WDPCP: variants seen among roughly 807,000 people sequenced by gnomAD.
The protein encoded by WDPCP is WD repeat-containing and planar cell polarity effector protein fritz homolog.
WDPCP carries 71 observed loss-of-function variants against 93.1 expected under a neutral mutation model. The ratio of observed to expected loss-of-function variants is 0.76; its 90% CI spans 0.63 to 0.93. The LOEUF is 0.93. Among genes scored for constraint, WDPCP ranks in the 40% least tolerant of loss-of-function variants. The pLI, the probability that WDPCP is intolerant of heterozygous loss-of-function variation, is 0.00. For synonymous variants in WDPCP, 315 were observed against 315.0 expected, an observed-to-expected ratio of 1.00 and a Z score of 0.00; for missense variants, 844 against 887.4, an observed-to-expected ratio of 0.95 and a Z score of 0.62.
In WDPCP at chr2:63,404,091, G is replaced by C; in HGVS notation, c.1392C>G (p.Leu464=). 6.2e-7 allele frequency: 1 copy of C among 1,614,064 alleles called. No homozygotes were observed. Among genetic ancestry groups the C allele is most frequent in the Non-Finnish European group, 8.5e-7 (1 of 1,179,978 alleles). ...CACCCAAAGGTCCTCTTTCAAACCT[G>C]AGGAAGAGGAGATCATAGATATCAC... ...EGSDIYDLLF[L]RFERGPLGVL... The change falls in exon 10 of 18, where the codon CTC becomes CTG. Residue 464 remains leucine, a synonymous_variant. Coordinates refer to ENST00000272321, the MANE Select transcript of WDPCP (RefSeq NM_015910.7).
intron 1 of WDPCP, among the ~76,000 whole-genome samples, chr2:63,587,861 A>C (rs1301039651): frequency 6.6e-6 from 1 of 152,252 alleles, no homozygotes; most frequent in Non-Finnish European, 1.5e-5. Flanking sequence ...GGGAATGGAC[A>C]AAACTCAACA....
At chr2:63,607,157 C>A in intron 3 of WDPCP, 1 of 488,592 alleles carries the variant, frequency 2.0e-6, no homozygotes, top group Non-Finnish European at 3.5e-6. Flanking sequence ...TATCGTCATG[C>A]TGTTAGTGTG....
chr2:63,760,903 C>T (rs932925814), intron 2 of WDPCP, among the ~76,000 whole-genome samples: 1 of 152,190 alleles, frequency 6.6e-6, no homozygotes, highest in African/African-American at 2.4e-5. Context: ...ACCTCATCCA[C>T]AGCCATCACC....
intron 14 of WDPCP, among the ~76,000 whole-genome samples, chr2:63,211,182 G>A (rs565245656): frequency 6.6e-5 from 10 of 152,330 alleles, no homozygotes; most frequent in African/African-American, 2.2e-4. Context: ...TGACCCCCGA[G>A]TAGCCTAACT....
At chr2:63,818,006 T>G (rs1408948076) in intron 1 of WDPCP, among the ~76,000 whole-genome samples, 2 of 152,228 alleles carry the variant, frequency 1.3e-5, no homozygotes, top group Non-Finnish European at 2.9e-5. Context: ...TATTGTACTA[T>G]CAAAAGTCAT....
chr2:63,687,438 A>G (rs955561923), intron 2 of WDPCP, among the ~76,000 whole-genome samples: 1 of 152,366 alleles, frequency 6.6e-6, no homozygotes, highest in East Asian at 1.9e-4. Flanking sequence ...CCCATCTGAC[A>G]AGGGATTAAT....
chr2:63,733,183 ATT>A (rs70965141), intron 2 of WDPCP, among the ~76,000 whole-genome samples: 1,255 of 94,904 alleles, frequency 0.013, 18 homozygotes, highest in Middle Eastern at 0.019. Context: ...CAAATAAATG[ATT>A]TTTTTTTTTT....
chr2:63,266,525 C>T (rs1221393514), intron 13 of WDPCP, among the ~76,000 whole-genome samples: 3 of 152,066 alleles, frequency 2.0e-5, no homozygotes, highest in Admixed American at 2.0e-4. Context: ...GGAAAGATAT[C>T]GGCTGGGCAC....
chr2:63,459,538 G>C (rs1177875335), intron 6 of WDPCP, among the ~76,000 whole-genome samples: 1 of 152,102 alleles, frequency 6.6e-6, no homozygotes, highest in East Asian at 1.9e-4. Context: ...ATGCTGGCAA[G>C]AAAGAAAAGG....
At chr2:63,370,018 A>C (rs1691247273) in intron 12 of WDPCP, among the ~76,000 whole-genome samples, 1 of 152,192 alleles carries the variant, frequency 6.6e-6, no homozygotes, top group South Asian at 2.1e-4. Flanking sequence ...TAGCTATGAA[A>C]GGGGCTTTAA....
intron 2 of WDPCP, among the ~76,000 whole-genome samples, chr2:63,774,234 C>G (rs907148526): frequency 2.0e-5 from 3 of 151,980 alleles, no homozygotes; most frequent in Non-Finnish European, 4.4e-5. Flanking sequence ...AAGTTTATGA[C>G]AGAAAATATT....
chr2:63,692,453 C>G (rs1668902556), intron 2 of WDPCP, among the ~76,000 whole-genome samples: 1 of 152,080 alleles, frequency 6.6e-6, no homozygotes, highest in Admixed American at 6.5e-5. Context: ...CTGTCAACTT[C>G]TACATCAAAA....
intron 2 of WDPCP, among the ~76,000 whole-genome samples, chr2:63,489,909 C>A (rs1575515486): frequency 6.6e-6 from 1 of 151,884 alleles, no homozygotes; most frequent in Non-Finnish European, 1.5e-5. Context: ...AGAAGCCGAG[C>A]AGACACTATC....
rs142680730 is a variant in WDPCP, at chr2:63,820,403, G to C, written n.223-6696C>G. ...CTTGTGGAGCTTCTTTTGGGAAATA[G>C]TGATGCAACCCAGTTTGAGACCTAA... On this transcript the variant is annotated intron_variant and non_coding_transcript_variant, in intron 1 of 4. Coordinates refer to the WDPCP transcript ENST00000467687. 5.8e-3 allele frequency among the ~76,000 whole-genome samples: 884 copies of C among 152,260 alleles called. 13 individuals carry two copies. The highest frequency in any genetic ancestry group is 0.02 in the African/African-American group (828 of 41,554).
At chr2:63,336,778 T>C (rs540245703) in intron 12 of WDPCP, among the ~76,000 whole-genome samples, 2 of 152,064 alleles carry the variant, frequency 1.3e-5, no homozygotes, top group Non-Finnish European at 2.9e-5. Context: ...TATTTTTACG[T>C]GTACAGTTCA....
At chr2:63,731,267 CAAA>C (rs532671655) in intron 2 of WDPCP, among the ~76,000 whole-genome samples, 5 of 59,840 alleles carry the variant, frequency 8.4e-5, no homozygotes. Flanking sequence ...GAATCCGTCT[CAAA>C]AAAAAAAAAA....
chr2:63,378,625 T>G, intron 11 of WDPCP, 116 bp from the exon 12 acceptor site: 2 of 1,419,852 alleles, frequency 1.4e-6, no homozygotes, highest in Non-Finnish European at 2.0e-6. Flanking sequence ...ATGAACTTGT[T>G]GCAGGAAAGA....
chr2:63,501,235 T>TA (rs1276928434), intron 1 of WDPCP, among the ~76,000 whole-genome samples: 1 of 152,156 alleles, frequency 6.6e-6, no homozygotes, highest in African/African-American at 2.4e-5. Context: ...TCCCTATTTT[T>TA]AAAACAAGCT....
Position 63,379,347 on chromosome 2 carries a change from A to C in WDPCP, c.1625-838T>G, listed in dbSNP as rs561595295. Among the ~76,000 whole-genome samples the C allele has an allele frequency of 4.6e-5, 7 of 152,226 alleles. No individual in the cohort carries two copies. In the East Asian group the frequency reaches 1.4e-3, roughly 29 times the overall value. Reference sequence around the variant, plus strand: ...TGAATAAACAATTCCTTATTTAGCAAAACTCTTTAGTTTTAGGCATATTTG... The same window carrying C: ...TGAATAAACAATTCCTTATTTAGCACAACTCTTTAGTTTTAGGCATATTTG... On this transcript the variant is annotated intron_variant, in intron 11 of 17. Coordinates refer to ENST00000272321, the MANE Select transcript of WDPCP (RefSeq NM_015910.7).
Sources: allele counts gnomAD v4.1 joint callset (sites outside exome capture counted in the v4.1 genomes callset), GRCh38; gene constraint gnomAD v4.1.1; transcripts MANE v1.5; gene names NCBI Gene and HGNC (gene_info 2026-07-23, HGNC 2026-07-21).